Variants in HIPK2 observed in about 807,000 individuals in gnomAD.
HIPK2 encodes the protein homeodomain interacting protein kinase 2.
Under a neutral mutation model 113.7 loss-of-function variants are expected in HIPK2, and 27 were observed. The ratio of observed to expected loss-of-function variants is 0.24; its 90% CI spans 0.17 to 0.33. The LOEUF (loss-of-function observed/expected upper bound fraction) is 0.33, where lower values mean the gene tolerates loss of function less well. Among genes scored for constraint, HIPK2 ranks in the 10% least tolerant of loss-of-function variants. The pLI is 1.00. For synonymous variants in HIPK2, 631 were observed against 642.2 expected, an observed-to-expected ratio of 0.98 and a Z score of 0.26; for missense variants, 1,257 against 1,588.0, an observed-to-expected ratio of 0.79 and a Z score of 3.54.
At position 139,683,288 on chromosome 7, in the gene HIPK2, A is replaced by T. The variant is rs1038310843; in HGVS notation, c.1103+32644T>A. ...TTAATGTGTAACAAGGTACCGCAAA[A>T]CTTAGTGCCTTAAAATAACCATTAC... On this transcript the variant is annotated intron_variant, in intron 2 of 14. Transcript: ENST00000406875. The surrounding 1 kb of genome is among the most constrained non-coding windows in gnomAD (Gnocchi z 4.2). Among the ~76,000 whole-genome samples, 4 of 152,166 alleles carry T rather than the reference A, an allele frequency of 2.6e-5. No individual in the cohort carries two copies. Among genetic ancestry groups the T allele is most frequent in the Non-Finnish European group, 5.9e-5 (4 of 68,012 alleles).
chr7:139,608,914 A>C (rs1799721353), intron 9 of HIPK2, among the ~76,000 whole-genome samples: 3 of 152,222 alleles, frequency 2.0e-5, no homozygotes, highest in African/African-American at 7.2e-5. Context: ...TTAAAGGCTC[A>C]GTTGGTCAAA....
At chr7:139,577,136 C>A (rs1338671291) in intron 13 of HIPK2, among the ~76,000 whole-genome samples, 1 of 146,164 alleles carries the variant, frequency 6.8e-6, no homozygotes, top group Non-Finnish European at 1.5e-5. Flanking sequence ...AGATACTGGG[C>A]TTCCTTTTTT....
At chr7:139,584,958 A>G in intron 12 of HIPK2, among the ~76,000 whole-genome samples, 1 of 152,198 alleles carries the variant, frequency 6.6e-6, no homozygotes, top group East Asian at 1.9e-4. Context: ...GAGATATTTA[A>G]GTTAGTGTGG....
chr7:139,604,191 C>A lies in HIPK2; in HGVS notation c.2145G>T (p.Leu715=), dbSNP rs34093649. Residue 715 remains leucine, a synonymous_variant, in exon 10 of 15, where the codon CTG becomes CTT. Transcript: ENST00000406875. ...QAWPSGTQQI[L]LPPAWQQLTG... is the part of the protein sequence containing the mutation. ...TCAGTTGCTGCCATGCTGGGGGAAG[C>A]AGGATCTGCTGGGTCCCACTTGGCC... is the stretch of plus-strand genomic sequence containing the variant. 1.2e-6 allele frequency: 2 copies of A among 1,613,494 alleles called. No individual in the cohort carries two copies. Among genetic ancestry groups the A allele is most frequent in the Admixed American group, 3.3e-5 (2 of 59,960 alleles).
At position 139,613,304 on chromosome 7, in the gene HIPK2, A is replaced by G; in HGVS notation, c.2010T>C (p.Ser670=). The G allele has an allele frequency of 6.2e-7, 1 of 1,613,608 alleles. No individual in the cohort carries two copies. The highest frequency in any genetic ancestry group is 8.5e-7 in the Non-Finnish European group (1 of 1,179,744). Reference sequence around the variant, plus strand: ...TTCGCACCGAGTAGCCAGCGTGCTTAGAGGGAGAGGCCTGCAAGCCTGTTC... The same window carrying G: ...TTCGCACCGAGTAGCCAGCGTGCTTGGAGGGAGAGGCCTGCAAGCCTGTTC... ...PGFQGLQASP[S]KHAGYSVRME... Residue 670 remains serine, a synonymous_variant, in exon 9 of 15, where the codon TCT becomes TCC. Coordinates refer to ENST00000406875, the MANE Select transcript of HIPK2 (RefSeq NM_022740.5). This position sits in a 1 kb window ranked among gnomAD's most constrained non-coding sequence, Gnocchi z 4.2.
At chr7:139,653,533 C>G (rs1801540907) in intron 2 of HIPK2, among the ~76,000 whole-genome samples, 1 of 151,376 alleles carries the variant, frequency 6.6e-6, no homozygotes, top group South Asian at 2.1e-4. Flanking sequence ...ACAGACATGC[C>G]ATTGAGAGGC....
In HIPK2 at chr7:139,610,124, C is replaced by T. The variant is rs189002519; in HGVS notation, c.2112+3078G>A. Among the ~76,000 whole-genome samples the T allele has an allele frequency of 1.6e-4, 24 of 152,310 alleles. No homozygotes were observed. The East Asian group carries it at 3.5e-3, about 22-fold the overall frequency. On this transcript the variant is annotated intron_variant, in intron 9 of 14. Coordinates refer to ENST00000406875, the MANE Select transcript of HIPK2 (RefSeq NM_022740.5). Reference sequence around the variant, plus strand: ...CAAAAGGTAAAGTTCTCCCCTGCTACGATTAAAGGACTGAAACAAATTCTG... The same window carrying T: ...CAAAAGGTAAAGTTCTCCCCTGCTATGATTAAAGGACTGAAACAAATTCTG...
At chr7:139,637,836 T>C (rs1800862244) in intron 2 of HIPK2, among the ~76,000 whole-genome samples, 1 of 152,126 alleles carries the variant, frequency 6.6e-6, no homozygotes, top group Non-Finnish European at 1.5e-5. Context: ...GGTTTGGGCA[T>C]GAGGGGGCAG....
intron 7 of HIPK2, among the ~76,000 whole-genome samples, chr7:139,618,092 G>A (rs559680355): frequency 1.2e-4 from 19 of 152,344 alleles, no homozygotes; most frequent in South Asian, 4.1e-4. Flanking sequence ...TCTCATGAAC[G>A]AGCAAGGGCC....
intron 1 of HIPK2, among the ~76,000 whole-genome samples, chr7:139,725,708 T>C (rs1795555203): frequency 6.6e-6 from 1 of 152,232 alleles, no homozygotes; most frequent in Admixed American, 6.5e-5. Context: ...GGTAGGTGAC[T>C]GTCCTGATTG....
In HIPK2 at chr7:139,572,830, G is replaced by C. The variant is rs1191255381; in HGVS notation, c.*97C>G. The C allele has an allele frequency of 3.5e-6, 2 of 572,870 alleles. No homozygotes were observed. Among genetic ancestry groups the C allele is most frequent in the African/African-American group, 4.9e-5 (2 of 40,712 alleles). 35.5% of individuals were successfully genotyped at this position (572,870 alleles called of 1,614,324 possible). A position where few individuals can be genotyped will look rare whatever the true frequency, so the allele number is the denominator to read the frequency against. On this transcript the variant is annotated 3_prime_UTR_variant, in exon 15 of 15. Transcript: ENST00000406875. ...TGTGTGCGGCATCTTCAGTATAAAAGGCCAGCGCCCACGGTCCCAGGAGCG... is the reference window on the plus strand; with the variant it reads ...TGTGTGCGGCATCTTCAGTATAAAACGCCAGCGCCCACGGTCCCAGGAGCG...
chr7:139,734,343 C>G (rs981335590), intron 1 of HIPK2, among the ~76,000 whole-genome samples: 4 of 152,174 alleles, frequency 2.6e-5, no homozygotes, highest in Non-Finnish European at 4.4e-5. Context: ...GTGGAAGGCA[C>G]GGGATCTTCA....
intron 2 of HIPK2, among the ~76,000 whole-genome samples, chr7:139,634,674 GTT>G (rs1181829827): frequency 6.2e-5 from 7 of 113,610 alleles, no homozygotes; most frequent in Admixed American, 8.8e-5. Context: ...TCTGTTTCAG[GTT>G]TTTTTTTTTT....
chr7:139,632,717 G>C (rs754789861), intron 2 of HIPK2, among the ~76,000 whole-genome samples: 7 of 152,096 alleles, frequency 4.6e-5, no homozygotes, highest in Non-Finnish European at 8.8e-5. Context: ...GATTAGGTAG[G>C]GGTATGTTTT....
At chr7:139,664,355 C>T (rs926562129) in intron 2 of HIPK2, among the ~76,000 whole-genome samples, 5 of 152,014 alleles carry the variant, frequency 3.3e-5, no homozygotes, top group African/African-American at 4.8e-5. Context: ...CTGACCAACA[C>T]GGCAAAACCC....
chr7:139,702,072 G>A (rs1794724726), intron 2 of HIPK2, among the ~76,000 whole-genome samples: 1 of 152,216 alleles, frequency 6.6e-6, no homozygotes, highest in Admixed American at 6.5e-5. Flanking sequence ...GCTTTAGGAG[G>A]TGTCTTTTGA....
intron 2 of HIPK2, among the ~76,000 whole-genome samples, chr7:139,692,657 C>CA (rs911374545): frequency 1.3e-5 from 2 of 152,146 alleles, no homozygotes; most frequent in African/African-American, 4.8e-5. Context: ...ACCAAAAAGT[C>CA]ACAGTAGGCA....
intron 1 of HIPK2, among the ~76,000 whole-genome samples, chr7:139,717,484 C>A (rs1338445405): frequency 6.6e-6 from 1 of 152,210 alleles, no homozygotes; most frequent in Non-Finnish European, 1.5e-5. Context: ...CAGGCCCCAT[C>A]ACCAGGCCAC....
chr7:139,747,065 C>T (rs1796202395), intron 1 of HIPK2, among the ~76,000 whole-genome samples: 1 of 152,178 alleles, frequency 6.6e-6, no homozygotes, highest in Non-Finnish European at 1.5e-5. Context: ...CCAGGGCTGG[C>T]CAAATCAGTC....
Sources: gnomAD v4.1 joint callset for allele counts (sites outside exome capture counted in the v4.1 genomes callset) on GRCh38, gnomAD v4.1.1 for gene constraint, Gnocchi (gnomAD v3.1) non-coding constraint, MANE v1.5 for transcripts, NCBI Gene and HGNC (gene_info 2026-07-23, HGNC 2026-07-21) for gene names.